The following CDK12 variants were observed in gnomAD, a reference collection of about 807,000 sequenced individuals.
CDK12 encodes the protein cyclin-dependent kinase 12.
CDK12 carries 17 observed loss-of-function variants against 133.8 expected under a neutral mutation model. The ratio of observed to expected loss-of-function variants is 0.13; its 90% CI spans 0.09 to 0.19. The LOEUF is 0.19. CDK12 is among the 10% of genes least tolerant of loss of function. The pLI is 1.00. For synonymous variants in CDK12, 694 were observed against 683.6 expected (o/e 1.02, Z -0.24); for missense variants, 1,508 against 1,818.7 (o/e 0.83, Z 3.11).
Position 39,530,853 on chromosome 17 carries a change from C to T in CDK12, c.4010C>T (p.Thr1337Ile). ...EYSTRPRPNR[T>I]YGNTDGPETG... Reference sequence around the variant, plus strand: ...TCCACCCGACCCCGTCCAAACAGGACTTATGGAAACACTGATGGGCCTGAA... The same window carrying T: ...TCCACCCGACCCCGTCCAAACAGGATTTATGGAAACACTGATGGGCCTGAA... Residue 1337 changes from threonine (T) to isoleucine (I), a missense_variant, in exon 14 of 14, where the codon ACT becomes ATT. By Grantham distance (89) the Thr-to-Ile change is moderately conservative. Transcript: ENST00000447079. 1 of 1,614,204 alleles carries T rather than the reference C, an allele frequency of 6.2e-7. No individual in the cohort carries two copies. The highest frequency in any genetic ancestry group is 8.5e-7 in the Non-Finnish European group (1 of 1,180,040).
chr17:39,472,824 C>T (rs1432880127), intron 2 of CDK12, among the ~76,000 whole-genome samples: 4 of 151,882 alleles, frequency 2.6e-5, no homozygotes, highest in African/African-American at 9.7e-5. Flanking sequence ...GCCTGTAATC[C>T]CAGCACTTTG....
chr17:39,521,636 T>C (rs1470735372), intron 11 of CDK12, among the ~76,000 whole-genome samples: 1 of 151,586 alleles, frequency 6.6e-6, no homozygotes, highest in Non-Finnish European at 1.5e-5. Context: ...CTCGGCTCAC[T>C]GCAACCTCCA....
At chr17:39,509,168 G>A (rs1201695987) in intron 6 of CDK12, among the ~76,000 whole-genome samples, 1 of 152,090 alleles carries the variant, frequency 6.6e-6, no homozygotes, top group African/African-American at 2.4e-5. Context: ...ATGGGGCCCA[G>A]GAAACTGGGT....
At chr17:39,514,777 G>T (rs1270809677) in intron 8 of CDK12, among the ~76,000 whole-genome samples, 1 of 152,004 alleles carries the variant, frequency 6.6e-6, no homozygotes, top group Non-Finnish European at 1.5e-5. Context: ...CATATATTTT[G>T]ATATGTTTTG....
intron 2 of CDK12, among the ~76,000 whole-genome samples, chr17:39,478,063 CTTT>C (rs533207548): frequency 5.1e-5 from 7 of 137,762 alleles, no homozygotes; most frequent in Admixed American, 7.3e-5. Context: ...TCCTCCACCT[CTTT>C]TTTTTTTTTT....
At chr17:39,558,285 A>G (rs1318274379) in intron 3 of CDK12, among the ~76,000 whole-genome samples, 1 of 152,240 alleles carries the variant, frequency 6.6e-6, no homozygotes, top group Non-Finnish European at 1.5e-5. Context: ...TACCTTGGCA[A>G]CTGTTCTGCC....
At chr17:39,535,008 G>C (rs2055067949), downstream of CDK12, 1 of 152,200 alleles carries the variant, frequency 6.6e-6, no homozygotes, top group African/African-American at 2.4e-5. Context: ...ATGGGGATTA[G>C]TGTACCTACC....
chr17:39,527,455 A>G (rs546102517), intron 13 of CDK12, among the ~76,000 whole-genome samples: 2 of 152,378 alleles, frequency 1.3e-5, no homozygotes, highest in East Asian at 1.9e-4. Flanking sequence ...AGAAGGTGAC[A>G]GCCTATTAAT....
At chr17:39,514,900 C>G (rs991906748) in intron 8 of CDK12, among the ~76,000 whole-genome samples, 1 of 152,146 alleles carries the variant, frequency 6.6e-6, no homozygotes, top group East Asian at 1.9e-4. Context: ...CTCCCATTCC[C>G]AGGCAAACCA....
Position 39,524,829 on chromosome 17 carries a change from C to T in CDK12, c.3251C>T (p.Pro1084Leu), listed in dbSNP as rs746268174. 5.0e-6 allele frequency: 8 copies of T among 1,614,086 alleles called. No homozygotes were observed. In the East Asian group the frequency reaches 1.8e-4, roughly 36 times the overall value. The change falls in exon 12 of 14, where the codon CCA becomes CTA. Residue 1084 changes from proline to leucine, a missense_variant. Around this residue, in one of 9 missense-constraint regions of CDK12, gnomAD observed 399 missense variants for 469.6 expected, o/e 0.85. Transcript: ENST00000447079. ...ACTGAGCCTGTGAAGAACAGCAGCC[C>T]AGCACCACCTCAGCCTGCTCCTGGC... ...TSTEPVKNSS[P>L]APPQPAPGKV... is the part of the protein sequence containing the mutation.
Position 39,526,331 on chromosome 17 carries a change from C to T in CDK12, c.3760+15C>T, listed in dbSNP as rs368648082. The T allele has an allele frequency of 1.3e-6, 2 of 1,554,648 alleles. No homozygotes were observed. On this transcript the variant is annotated intron_variant, in intron 13 of 13. Coordinates refer to ENST00000447079, the MANE Select transcript of CDK12 (RefSeq NM_016507.4). ...GGAGGCAGCAGGTAAACAGACCGGTCATGAATCTCATTGAGCTCAGGTGCT... is the reference window on the plus strand; with the variant it reads ...GGAGGCAGCAGGTAAACAGACCGGTTATGAATCTCATTGAGCTCAGGTGCT...
chr17:39,475,417 G>A (rs2050116644), intron 2 of CDK12, among the ~76,000 whole-genome samples: 1 of 152,012 alleles, frequency 6.6e-6, no homozygotes, highest in South Asian at 2.1e-4. Context: ...AGGCTACGGT[G>A]AACTATGATT....
chr17:39,468,677 A>G (rs986930016), intron 1 of CDK12, among the ~76,000 whole-genome samples: 3 of 151,276 alleles, frequency 2.0e-5, no homozygotes, highest in African/African-American at 7.3e-5. Context: ...GTTTCTCCAT[A>G]TTGGTCAGGC....
chr17:39,559,789 A>G (rs2056301997), intron 3 of CDK12, among the ~76,000 whole-genome samples: 1 of 151,584 alleles, frequency 6.6e-6, no homozygotes, highest in South Asian at 2.1e-4. Context: ...TGGTAAGCCA[A>G]GATCATGCCA....
intron 3 of CDK12, among the ~76,000 whole-genome samples, chr17:39,560,984 A>T (rs2056352499): frequency 6.6e-6 from 1 of 152,194 alleles, no homozygotes; most frequent in Non-Finnish European, 1.5e-5. Context: ...GCTGCACTCC[A>T]GCCTGGGCGA....
At chr17:39,559,662 T>A (rs1480982545) in intron 3 of CDK12, among the ~76,000 whole-genome samples, 1 of 152,112 alleles carries the variant, frequency 6.6e-6, no homozygotes, top group African/African-American at 2.4e-5. Context: ...CAATCATAGT[T>A]CACTGCAGCC....
At chr17:39,474,310 A>C (rs1431266359) in intron 2 of CDK12, among the ~76,000 whole-genome samples, 1 of 152,106 alleles carries the variant, frequency 6.6e-6, no homozygotes, top group Non-Finnish European at 1.5e-5. Context: ...TCAAGGTGAT[A>C]ATTGTAATTT....
At chr17:39,491,864 C>T (rs1418837424) in intron 3 of CDK12, among the ~76,000 whole-genome samples, 1 of 150,740 alleles carries the variant, frequency 6.6e-6, no homozygotes, top group East Asian at 2.0e-4. Context: ...CGCGGTGGCT[C>T]ACGCTTGTAA....
In CDK12 at chr17:39,462,039, CTT is replaced by C; in HGVS notation, c.-28_-27del. The C allele has an allele frequency of 6.3e-7, 1 of 1,582,582 alleles. No homozygotes were observed. Among genetic ancestry groups the C allele is most frequent in the South Asian group, 1.1e-5 (1 of 89,040 alleles). The stretch of plus-strand genomic sequence containing the variant: ...GGTTGCTTTTTGGAGTGCTGGGGAA[CTT>C]TTTTCCCTTCTTCAGGTCAGGGGAA... On this transcript the variant is annotated 5_prime_UTR_variant, in exon 1 of 14. Coordinates refer to ENST00000447079, the MANE Select transcript of CDK12 (RefSeq NM_016507.4).
Sources: allele counts gnomAD v4.1 joint callset (sites outside exome capture counted in the v4.1 genomes callset), GRCh38; gene constraint gnomAD v4.1.1; regional missense constraint gnomAD v4.1.1; transcripts MANE v1.5; gene names NCBI Gene and HGNC (gene_info 2026-07-23, HGNC 2026-07-21).